The following SLC9A6 variants were observed in gnomAD, a reference collection of about 807,000 sequenced individuals.
SLC9A6 encodes the protein solute carrier family 9 member A6.
Under a neutral mutation model 45.3 loss-of-function variants are expected in SLC9A6, and 6 were observed. The ratio of observed to expected loss-of-function variants is 0.13; its 90% confidence interval spans 0.07 to 0.26. SLC9A6 has a LOEUF of 0.26. Ranked by LOEUF, SLC9A6 falls within the 10% of genes least tolerant of loss-of-function variation. The pLI, the probability that SLC9A6 is intolerant of heterozygous loss-of-function variation, is 1.00. For synonymous variants in SLC9A6, 191 were observed against 187.7 expected (o/e 1.02, Z -0.14); for missense variants, 278 against 503.7 (o/e 0.55, Z 4.29).
chrX:136,034,323 G>A (rs2071379171), intron 16 of SLC9A6, among the ~76,000 whole-genome samples: 1 of 110,910 alleles, frequency 9.0e-6, no homozygotes, highest in African/African-American at 3.3e-5. Context: ...AGAATCTAAT[G>A]TCTGATGATG....
upstream of SLC9A6, among the ~76,000 whole-genome samples, chrX:135,982,579 T>C (rs1477054379): frequency 2.7e-5 from 3 of 109,548 alleles, no homozygotes; most frequent in Non-Finnish European, 5.7e-5. Context: ...ACTCAAGCCC[T>C]TTTCCTTCCT....
At chrX:136,032,481 C>G (rs1303005942) in intron 15 of SLC9A6, among the ~76,000 whole-genome samples, 1 of 112,310 alleles carries the variant, frequency 8.9e-6, no homozygotes, top group African/African-American at 3.2e-5. Context: ...TGAAGAAATT[C>G]GGGCCCAGAG....
At chrX:135,994,730 G>A (rs1178045806) in intron 2 of SLC9A6, 56 bp from the exon 3 acceptor site, 1 of 1,085,221 alleles carries the variant, frequency 9.2e-7, no homozygotes, top group African/African-American at 1.8e-5. Flanking sequence ...TATGCGTGGG[G>A]TACAAAAGAA....
At chrX:136,019,158 A>G (rs1000720382) in intron 11 of SLC9A6, among the ~76,000 whole-genome samples, 1 of 112,318 alleles carries the variant, frequency 8.9e-6, no homozygotes, top group Non-Finnish European at 1.9e-5. Flanking sequence ...TAGTTAGGAC[A>G]TAGGTTGGTT....
chrX:136,041,649 A>G (rs1320676652), intron 17 of SLC9A6, among the ~76,000 whole-genome samples: 2 of 111,903 alleles, frequency 1.8e-5, no homozygotes, highest in Non-Finnish European at 3.8e-5. Flanking sequence ...CCAGAGACCC[A>G]CTCGCTGTCA....
chrX:136,011,217 A>G (rs2070913910), intron 8 of SLC9A6, among the ~76,000 whole-genome samples: 1 of 112,319 alleles, frequency 8.9e-6, no homozygotes, highest in African/African-American at 3.2e-5. Flanking sequence ...TCCTGAATCT[A>G]TAAAAACAAA....
In SLC9A6 at chrX:136,040,078, A is replaced by T; in HGVS notation, c.1664A>T (p.Tyr555Phe). The T allele has an allele frequency of 8.3e-7, 1 of 1,205,793 alleles. No individual in the cohort carries two copies. Among genetic ancestry groups the T allele is most frequent in the Non-Finnish European group, 1.1e-6 (1 of 890,328 alleles). The stretch of plus-strand genomic sequence containing the variant: ...CAGCTCTTCCTTAACCACCGCAGCT[A>T]TCTGAAGCCTCTGCTGACCCACAGC... ...FRMWYNFDHN[Y>F]LKPLLTHSGP... is the part of the protein sequence containing the mutation. The change falls in exon 17 of 18, where the codon TAT (tyrosine) becomes TTT (phenylalanine). Residue 555 changes from tyrosine (Y) to phenylalanine (F), a missense_variant and splice_region_variant. Around this residue, in one of 5 missense-constraint regions of SLC9A6, gnomAD observed 91 missense variants for 125.1 expected, o/e 0.73. Transcript: ENST00000630721.
intron 2 of SLC9A6, among the ~76,000 whole-genome samples, chrX:135,992,983 A>G (rs909491483): frequency 8.9e-6 from 1 of 112,041 alleles, no homozygotes; most frequent in African/African-American, 3.2e-5. Context: ...ATGAAAGGCA[A>G]TAGGAAGGTA....
At chrX:136,020,136 G>A (rs1556619742) in intron 11 of SLC9A6, among the ~76,000 whole-genome samples, 3 of 111,304 alleles carry the variant, frequency 2.7e-5, no homozygotes, top group Non-Finnish European at 5.7e-5. Flanking sequence ...GATAGTGTTT[G>A]TCAGATTTAT....
intron 11 of SLC9A6, 101 bp from the exon 12 acceptor site, chrX:136,022,485 G>A: frequency 4.1e-6 from 2 of 485,573 alleles, no homozygotes; most frequent in Admixed American, 5.6e-5. Flanking sequence ...CTGTGTGTTA[G>A]AAACTGAGTT....
chrX:136,003,737 AC>A (rs2089614785), intron 7 of SLC9A6, among the ~76,000 whole-genome samples: 1 of 112,254 alleles, frequency 8.9e-6, no homozygotes, highest in South Asian at 3.7e-4. Context: ...TCGCACTTTC[AC>A]CATTAAATTA....
intron 15 of SLC9A6, among the ~76,000 whole-genome samples, chrX:136,031,269 G>A (rs1443287425): frequency 3.5e-5 from 4 of 112,695 alleles, no homozygotes; most frequent in Non-Finnish European, 7.5e-5. Context: ...CGATCACTGT[G>A]TAAGTCTCCA....
At chrX:135,989,270 CAT>C (rs1487279539) in intron 2 of SLC9A6, among the ~76,000 whole-genome samples, 1 of 112,093 alleles carries the variant, frequency 8.9e-6, no homozygotes, top group African/African-American at 3.2e-5. Flanking sequence ...AAAGTACCCA[CAT>C]GTTTTGCTCC....
rs782049395 is a variant in SLC9A6 at position 135,994,771 on chromosome X, T to C, written c.170-15T>C. On this transcript the variant is annotated splice_polypyrimidine_tract_variant and intron_variant, in intron 2 of 17. Transcript: ENST00000630721. ...CTCTGTCGGCAAGAAGAGCTTATGTTGTTCTTTTTTCCAGGTCTTTTGGTG... is the reference window on the plus strand; with the variant it reads ...CTCTGTCGGCAAGAAGAGCTTATGTCGTTCTTTTTTCCAGGTCTTTTGGTG... The C allele has an allele frequency of 8.3e-7, 1 of 1,206,599 alleles. No homozygotes were observed. The highest frequency in any genetic ancestry group is 1.7e-5 in the African/African-American group (1 of 57,728).
At chrX:135,982,410 G>A (rs782277070), upstream of SLC9A6, among the ~76,000 whole-genome samples, 1 of 100,585 alleles carries the variant, frequency 9.9e-6, no homozygotes, top group Non-Finnish European at 2.0e-5. Context: ...GTTGGGGGGG[G>A]CGGTGATTGT....
At chrX:135,996,991 C>T (rs1173590966) in intron 3 of SLC9A6, among the ~76,000 whole-genome samples, 2 of 111,228 alleles carry the variant, frequency 1.8e-5, no homozygotes, top group African/African-American at 3.3e-5. Flanking sequence ...TGGTCTCGAT[C>T]TCCTGACTTT....
In SLC9A6 at chrX:136,044,495, A is replaced by G; in HGVS notation, c.1811A>G (p.Asn604Ser). 1 of 1,205,066 alleles carries G rather than the reference A, an allele frequency of 8.3e-7. No homozygotes were observed. Among genetic ancestry groups the G allele is most frequent in the South Asian group, 1.8e-5 (1 of 56,838 alleles). ...LKDDDSDLIL[N>S]DGDISLTYGD... ...GATGATGATTCTGATCTTATTCTCA[A>G]TGATGGTGACATCAGTTTGACATAT... The change falls in exon 18 of 18, where the codon AAT (asparagine) becomes AGT (serine). Residue 604 changes from asparagine to serine, a missense_variant. Asn to Ser is a conservative substitution (Grantham distance 46). This residue lies in a region of SLC9A6 where 91 missense variants were observed against 125.1 expected (regional missense o/e 0.73). Transcript: ENST00000630721.
intron 1 of SLC9A6, among the ~76,000 whole-genome samples, chrX:135,978,638 C>T (rs781971060): frequency 2.9e-5 from 3 of 101,778 alleles, no homozygotes; most frequent in East Asian, 3.0e-4. Flanking sequence ...GGCAACAGAG[C>T]GAGACTCCAT....
At chrX:136,019,499 C>T (rs1556619669) in intron 11 of SLC9A6, among the ~76,000 whole-genome samples, 1 of 112,320 alleles carries the variant, frequency 8.9e-6, no homozygotes, top group African/African-American at 3.2e-5. Context: ...TGCCAACTAC[C>T]AAGGAAGAAA....
Sources: gnomAD v4.1 joint callset for allele counts (sites outside exome capture counted in the v4.1 genomes callset) on GRCh38, gnomAD v4.1.1 for gene constraint, gnomAD v4.1.1 regional missense constraint, MANE v1.5 for transcripts, NCBI Gene and HGNC (gene_info 2026-07-23, HGNC 2026-07-21) for gene names.